Variants in FBN3 observed in about 807,000 individuals in gnomAD.
FBN3 encodes fibrillin-3.
In FBN3, 234 loss-of-function variants were observed where a neutral mutation model predicts 330.1. That is an observed-to-expected ratio of 0.71 (90% CI 0.64 to 0.79). The LOEUF is 0.79. Ranked by LOEUF, FBN3 falls within the 30% of genes least tolerant of loss-of-function variation. The pLI, the probability that FBN3 is intolerant of heterozygous loss-of-function variation, is 0.00. For missense variants in FBN3, 3,606 were observed against 3,886.9 expected, an observed-to-expected ratio of 0.93 and a Z score of 1.92; for synonymous variants, 1,458 against 1,517.3, an observed-to-expected ratio of 0.96 and a Z score of 0.91.
At chr19:8,085,611 C>A in intron 55 of FBN3, 42 bp from the exon 56 acceptor site, 1 of 1,444,498 alleles carries the variant, frequency 6.9e-7, no homozygotes, top group Non-Finnish European at 9.2e-7. Context: ...CTCCAGGAGG[C>A]TGGTTTGGGG....
chr19:8,125,748 G>T, intron 22 of FBN3, 144 bp downstream of exon 22: 1 of 857,284 alleles, frequency 1.2e-6, no homozygotes, highest in Non-Finnish European at 1.6e-6. Context: ...CCGAGATTGC[G>T]CCACTGCACT....
At chr19:8,098,229 G>T (rs1158613568) in intron 41 of FBN3, among the ~76,000 whole-genome samples, 1 of 152,186 alleles carries the variant, frequency 6.6e-6, no homozygotes, top group Non-Finnish European at 1.5e-5. Flanking sequence ...ATCAAAAGGG[G>T]ACTTGAAAGA....
chr19:8,067,546 A>T (rs963070639), intron 63 of FBN3, among the ~76,000 whole-genome samples: 1 of 152,128 alleles, frequency 6.6e-6, no homozygotes, highest in African/African-American at 2.4e-5. Flanking sequence ...CTGATGTGGG[A>T]GGTCCCAGGA....
At chr19:8,108,711 C>G (rs117096946) in intron 36 of FBN3, among the ~76,000 whole-genome samples, 1 of 152,170 alleles carries the variant, frequency 6.6e-6, no homozygotes, top group East Asian at 1.9e-4. Context: ...ATCATTCCCC[C>G]TACTCTGCTA....
rs2082862964 is a variant in FBN3 at position 8,121,937 on chromosome 19, T to C, written c.3083-551A>G. Among the ~76,000 whole-genome samples the C allele has an allele frequency of 6.6e-6, 1 of 151,508 alleles. No individual in the cohort carries two copies. Among genetic ancestry groups the C allele is most frequent in the African/African-American group, 2.4e-5 (1 of 41,240 alleles). On this transcript the variant is annotated intron_variant, in intron 24 of 63. Transcript: ENST00000600128. The surrounding 1 kb of genome is among the most constrained non-coding windows in gnomAD (Gnocchi z 4.5). ...GCTAATTTTGTATTTTTAGTAGAGA[T>C]GGTGTTTCGCCATGTTGGCCAGGCT...
Position 8,095,473 on chromosome 19 carries a change from T to G in FBN3, c.5687A>C (p.Gln1896Pro). The change falls in exon 46 of 64, where the codon CAG (glutamine) becomes CCG (proline). Residue 1896 changes from glutamine to proline, a missense_variant. Coordinates refer to ENST00000600128, the MANE Select transcript of FBN3 (RefSeq NM_032447.5). ...DFDECTTLVGQVCRFGHCLNT... is the reference protein window; with the variant it reads ...DFDECTTLVGPVCRFGHCLNT... The stretch of plus-strand genomic sequence containing the variant: ...GAGGCAATGGCCAAATCGGCACACC[T>G]GCCCCACCAGGGTAGTACACTCATC... 1.2e-6 allele frequency: 2 copies of G among 1,613,660 alleles called. No individual in the cohort carries two copies. The highest frequency in any genetic ancestry group is 8.5e-7 in the Non-Finnish European group (1 of 1,179,696).
At position 8,121,255 on chromosome 19, in the gene FBN3, G is replaced by C. The variant is rs376637852; in HGVS notation, c.3211+3C>G. 3.8e-6 allele frequency: 6 copies of C among 1,594,114 alleles called. No individual in the cohort carries two copies. The South Asian group carries it at 4.5e-5, about 12-fold the overall frequency. On this transcript the variant is annotated splice_donor_region_variant and intron_variant, in intron 25 of 63. Coordinates refer to ENST00000600128, the MANE Select transcript of FBN3 (RefSeq NM_032447.5). The surrounding 1 kb of genome is among the most constrained non-coding windows in gnomAD (Gnocchi z 4.5). ...ACCACACCCCTGCCCGGCAGTCACC[G>C]ACCCATGCAGTTCTTCATCAGCATG...
Position 8,131,219 on chromosome 19 carries a change from G to A in FBN3, c.2044+16C>T. 6.2e-7 allele frequency: 1 copy of A among 1,603,862 alleles called. No homozygotes were observed. Among genetic ancestry groups the A allele is most frequent in the Non-Finnish European group, 8.5e-7 (1 of 1,176,498 alleles). ...GGCAGGCTGGCTGCTGTTTGGAGGGGCTGGGCTCCACTTACCTCGACCATC... is the reference window on the plus strand; with the variant it reads ...GGCAGGCTGGCTGCTGTTTGGAGGGACTGGGCTCCACTTACCTCGACCATC... On this transcript the variant is annotated intron_variant, in intron 16 of 63. Transcript: ENST00000600128. This position sits in a 1 kb window ranked among gnomAD's most constrained non-coding sequence, Gnocchi z 4.5.
At chr19:8,135,282 A>T (rs548098688) in intron 13 of FBN3, among the ~76,000 whole-genome samples, 4,322 of 145,424 alleles carry the variant, frequency 0.03, 203 homozygotes, top group African/African-American at 0.1. Context: ...ATAAAAAAAA[A>T]TTTTTTTTTT....
intron 19 of FBN3, 46 bp from the exon 20 acceptor site, chr19:8,126,651 C>G: frequency 6.3e-7 from 1 of 1,599,158 alleles, no homozygotes; most frequent in Non-Finnish European, 8.5e-7. Context: ...CGGCCCTACA[C>G]CTGCACCCTG....
Position 8,086,209 on chromosome 19 carries a change from CGGTAAG to C in FBN3, c.6865_6870del (p.Leu2289_Thr2290del). 1 of 1,597,590 alleles carries C rather than the reference CGGTAAG, an allele frequency of 6.3e-7. No homozygotes were observed. Among genetic ancestry groups the C allele is most frequent in the Middle Eastern group, 1.7e-4 (1 of 5,962 alleles). ...GTCCAGCCACACTCACCGTGGCACT[CGGTAAG>C]GGTGGGGCTGGGCTGGAATCCCTCA... On this transcript the variant is annotated inframe_deletion, in exon 55 of 64. Transcript: ENST00000600128.
At position 8,085,249 on chromosome 19, in the gene FBN3, ACACACACAGT is replaced by A. The variant is rs1219123281; in HGVS notation, c.7087+104_7087+113del. On this transcript the variant is annotated intron_variant, in intron 56 of 63. Coordinates refer to ENST00000600128, the MANE Select transcript of FBN3 (RefSeq NM_032447.5). ...CACACACACACACACACACACACAC[ACACACACAGT>A]GTGGCTCACACATTCCAGCACCTGC... 3 of 857,320 alleles carry A rather than the reference ACACACACAGT, an allele frequency of 3.5e-6. No individual in the cohort carries two copies. In the African/African-American group the frequency reaches 5.3e-5, roughly 15 times the overall value. The allele number at this position is 857,320 out of a possible 1,614,324, so 53.1% of individuals were successfully genotyped here. A position where few individuals can be genotyped will look rare whatever the true frequency, so the allele number is the denominator to read the frequency against.
At chr19:8,144,849 C>T in intron 6 of FBN3, 28 bp downstream of exon 6, 1 of 1,555,138 alleles carries the variant, frequency 6.4e-7, no homozygotes, top group Non-Finnish European at 8.8e-7. Context: ...AGTCCCCTGT[C>T]TACCTCCCAC....
In FBN3 at chr19:8,136,067, G is replaced by A. The variant is rs758436268; in HGVS notation, c.1485C>T (p.Val495=). Residue 495 remains valine, a synonymous_variant, in exon 13 of 64, where the codon GTC becomes GTT. Transcript: ENST00000600128. The stretch of plus-strand genomic sequence containing the variant: ...GGCCCAGGTGACAAAGGCCACCACT[G>A]ACAATGCACTCGTCCACATCTGCGG... ...QACVDVDECI[V]SGGLCHLGRC... 9.1e-5 allele frequency: 147 copies of A among 1,614,050 alleles called. No individual in the cohort carries two copies. Among genetic ancestry groups the A allele is most frequent in the Non-Finnish European group, 1.2e-4 (145 of 1,179,996 alleles).
At chr19:8,143,734 C>T (rs1408204343) in intron 6 of FBN3, among the ~76,000 whole-genome samples, 3 of 151,714 alleles carry the variant, frequency 2.0e-5, no homozygotes, top group African/African-American at 7.3e-5. Context: ...CTCGAGTGAT[C>T]TGCCCGCCTC....
rs759456078 is a variant in FBN3, at chr19:8,088,085, C to T, written c.6471G>A (p.Glu2157=). 68 of 1,614,008 alleles carry T rather than the reference C, an allele frequency of 4.2e-5. No individual in the cohort carries two copies. Among genetic ancestry groups the T allele is most frequent in the Non-Finnish European group, 5.4e-5 (64 of 1,180,042 alleles). The change falls in exon 52 of 64, where the codon GAG becomes GAA. Residue 2157 remains glutamate (E), a synonymous_variant. Coordinates refer to ENST00000600128, the MANE Select transcript of FBN3 (RefSeq NM_032447.5). ...GFECACADGF[E]PGLMMTCEDI... is the part of the protein sequence containing the mutation. ...CCTCGCAGGTCATCATGAGGCCAGG[C>T]TCAAAGCCGTCAGCACAGGCACATT...
chr19:8,093,406 G>C (rs534438663), intron 47 of FBN3, among the ~76,000 whole-genome samples: 1 of 152,100 alleles, frequency 6.6e-6, no homozygotes. Flanking sequence ...GGCAGATCAC[G>C]AGGTCAGGAG....
At chr19:8,066,999 C>G (rs78806879) in intron 63 of FBN3, among the ~76,000 whole-genome samples, 21,886 of 152,028 alleles carry the variant, frequency 0.14, 2,038 homozygotes, top group East Asian at 0.42. Flanking sequence ...TTATTAATAA[C>G]AAACCTGTAC....
rs978019661 is a variant in FBN3, at chr19:8,109,030, C to T, written c.4618+197G>A. ...ATAAACACAGAGAATTTACAGAAAGCGACCTTGGAGAGAGGCCCAGCCAAT... is the reference window on the plus strand; with the variant it reads ...ATAAACACAGAGAATTTACAGAAAGTGACCTTGGAGAGAGGCCCAGCCAAT... On this transcript the variant is annotated intron_variant, in intron 36 of 63. Coordinates refer to ENST00000600128, the MANE Select transcript of FBN3 (RefSeq NM_032447.5). This position sits in a 1 kb window ranked among gnomAD's most constrained non-coding sequence, Gnocchi z 5.2. Among the ~76,000 whole-genome samples, 2 of 152,110 alleles carry T rather than the reference C, an allele frequency of 1.3e-5. No homozygotes were observed. The highest frequency in any genetic ancestry group is 4.8e-5 in the African/African-American group (2 of 41,430).
Sources: allele counts gnomAD v4.1 joint callset (sites outside exome capture counted in the v4.1 genomes callset), GRCh38; gene constraint gnomAD v4.1.1; non-coding constraint Gnocchi (gnomAD v3.1); transcripts MANE v1.5; gene names NCBI Gene and HGNC (gene_info 2026-07-23, HGNC 2026-07-21).